The following BPTF variants were observed in gnomAD, a reference collection of about 807,000 sequenced individuals.
BPTF encodes the protein bromodomain PHD finger transcription factor, also known as nucleosome-remodeling factor subunit BPTF.
A neutral mutation model predicts 292.5 loss-of-function variants in BPTF; 18 were observed. The ratio of observed to expected loss-of-function variants is 0.06; its 90% CI spans 0.04 to 0.09. The LOEUF (loss-of-function observed/expected upper bound fraction) is 0.09. Among genes scored for constraint, BPTF ranks in the 10% least tolerant of loss-of-function variants. BPTF has a pLI of 1.00. For synonymous variants in BPTF, 1,225 were observed against 1,251.9 expected (o/e 0.98, Z 0.45); for missense variants, 2,726 against 3,498.7 (o/e 0.78, Z 5.57).
chr17:67,919,750 T>C (rs531745230), intron 12 of BPTF, among the ~76,000 whole-genome samples: 1 of 152,292 alleles, frequency 6.6e-6, no homozygotes, highest in Non-Finnish European at 1.5e-5. Context: ...CCTAGGCTTT[T>C]TATTATTTTG....
rs531617041 is a variant in BPTF, at chr17:67,858,635, GC to G, written c.1436+3876del. Reference sequence around the variant, plus strand: ...ATTCAGTGATGCTGCCTGTCAGGGAGCCCGGTGCTTGTACTCTGTATAGACA... The same window carrying G: ...ATTCAGTGATGCTGCCTGTCAGGGAGCCGGTGCTTGTACTCTGTATAGACA... On this transcript the variant is annotated intron_variant, in intron 2 of 27. Transcript: ENST00000306378. 2.1e-4 allele frequency among the ~76,000 whole-genome samples: 32 copies of G among 151,956 alleles called. No individual in the cohort carries two copies. In the South Asian group the frequency reaches 6.4e-3, roughly 31 times the overall value.
intron 1 of BPTF, among the ~76,000 whole-genome samples, chr17:67,839,161 ATTGTGTACCACCTCC>A (rs1567870197): frequency 4.3e-4 from 66 of 152,044 alleles, no homozygotes; most frequent in African/African-American, 1.5e-3. Flanking sequence ...AACAAATTGC[ATTGTGTACCACCTCC>A]AAAGCAATGT....
At chr17:67,910,455 TA>T (rs202089667) in intron 10 of BPTF, among the ~76,000 whole-genome samples, 12 of 151,550 alleles carry the variant, frequency 7.9e-5, no homozygotes, top group African/African-American at 2.4e-4. Context: ...AAGTCATTTT[TA>T]AAAAAAAACT....
intron 7 of BPTF, among the ~76,000 whole-genome samples, chr17:67,901,062 C>A: frequency 6.6e-6 from 1 of 150,900 alleles, no homozygotes; most frequent in African/African-American, 2.4e-5. Context: ...TAAGAATAGC[C>A]AAAAGGGGAA....
chr17:67,932,441 T>C (rs1034166767), intron 18 of BPTF, among the ~76,000 whole-genome samples: 26 of 152,240 alleles, frequency 1.7e-4, no homozygotes, highest in Admixed American at 1.7e-3. Flanking sequence ...GACTCTCCCC[T>C]GTAATCCCAC....
intron 9 of BPTF, among the ~76,000 whole-genome samples, chr17:67,909,268 T>TA (rs1568035294): frequency 1.3e-5 from 1 of 78,868 alleles, no homozygotes; most frequent in East Asian, 3.7e-4. Context: ...CCGCACCAGG[T>TA]CCCCCCCCCC....
chr17:67,885,162 A>C (rs1035273306), intron 4 of BPTF, among the ~76,000 whole-genome samples: 2 of 152,226 alleles, frequency 1.3e-5, no homozygotes, highest in African/African-American at 2.4e-5. Context: ...GGCAAAAACA[A>C]AGGCAGAGGG....
At position 67,973,874 on chromosome 17, in the gene BPTF, T is replaced by C. The variant is rs188816165; in HGVS notation, c.8540-1898T>C. The stretch of plus-strand genomic sequence containing the variant: ...ACACCCTTAATATATGTGAAATTCT[T>C]ATACTAGATACAGTTAAATCTGTTC... On this transcript the variant is annotated intron_variant, in intron 26 of 27. Coordinates refer to ENST00000306378, the MANE Select transcript of BPTF (RefSeq NM_182641.4). The C allele has an allele frequency of 3.3e-5, 5 of 152,116 alleles. No homozygotes were observed. In the East Asian group the frequency reaches 7.7e-4, roughly 23 times the overall value. 9.4% of individuals were successfully genotyped at this position (152,116 alleles called of 1,614,324 possible). A position where few individuals can be genotyped will look rare whatever the true frequency, so the allele number is the denominator to read the frequency against.
intron 4 of BPTF, among the ~76,000 whole-genome samples, chr17:67,882,415 T>C (rs2060481275): frequency 6.6e-6 from 1 of 152,190 alleles, no homozygotes; most frequent in Non-Finnish European, 1.5e-5. Context: ...ATAGCATACT[T>C]AGTTTCTTTG....
At chr17:67,944,008 T>G (rs1555673140) in intron 19 of BPTF, 142 bp from the exon 20 acceptor site, 1 of 696,906 alleles carries the variant, frequency 1.4e-6, no homozygotes, top group African/African-American at 1.8e-5. Context: ...TACTTTAGCT[T>G]ATCTAAATTC....
chr17:67,897,771 T>A (rs938083384), intron 7 of BPTF, among the ~76,000 whole-genome samples: 1 of 152,236 alleles, frequency 6.6e-6, no homozygotes, highest in Non-Finnish European at 1.5e-5. Context: ...AACCAGATAG[T>A]TCTATTTAAA....
rs546334139 is a variant in BPTF, at chr17:67,846,301, G to A, written c.614-7639G>A. 4.6e-5 allele frequency among the ~76,000 whole-genome samples: 7 copies of A among 152,334 alleles called. No homozygotes were observed. In the South Asian group the frequency reaches 1.4e-3, roughly 32 times the overall value. Reference sequence around the variant, plus strand: ...GCCCAGCAGTTTTAGAGCAGCCTGGGCAGCATAGAGGATACTGAATGTATT... The same window carrying A: ...GCCCAGCAGTTTTAGAGCAGCCTGGACAGCATAGAGGATACTGAATGTATT... On this transcript the variant is annotated intron_variant, in intron 1 of 27. Coordinates refer to ENST00000306378, the MANE Select transcript of BPTF (RefSeq NM_182641.4).
chr17:67,845,876 C>T (rs1287308970), intron 1 of BPTF, among the ~76,000 whole-genome samples: 2 of 151,028 alleles, frequency 1.3e-5, no homozygotes, highest in Non-Finnish European at 3.0e-5. Context: ...AGTTTTTGAG[C>T]CCACATTTTA....
At chr17:67,979,901 G>T (rs1212947089) in intron 27 of BPTF, among the ~76,000 whole-genome samples, 4 of 151,834 alleles carry the variant, frequency 2.6e-5, no homozygotes, top group African/African-American at 9.7e-5. Flanking sequence ...TTAGCTAGGT[G>T]TGGTGGTGCA....
In BPTF at chr17:67,912,498, C is replaced by T; in HGVS notation, c.4614C>T (p.Thr1538=). The T allele has an allele frequency of 6.2e-7, 1 of 1,613,888 alleles. No individual in the cohort carries two copies. The highest frequency in any genetic ancestry group is 8.5e-7 in the Non-Finnish European group (1 of 1,179,916). The change falls in exon 11 of 28, where the codon ACC becomes ACT. Residue 1538 remains threonine, a synonymous_variant. Coordinates refer to ENST00000306378, the MANE Select transcript of BPTF (RefSeq NM_182641.4). ...AGGTAGAAGATATGGAAATAGAAAC[C>T]TCAGAAGTTAAGAAAGTTACTTCAT... ...VNQVEDMEIE[T]SEVKKVTSSP... is the part of the protein sequence containing the mutation.
At chr17:67,888,340 G>C (rs1050858600) in intron 4 of BPTF, among the ~76,000 whole-genome samples, 1 of 152,022 alleles carries the variant, frequency 6.6e-6, no homozygotes, top group Non-Finnish European at 1.5e-5. Context: ...TGTAATCCCA[G>C]CACTTTGGGA....
At chr17:67,900,877 T>G (rs931811025) in intron 7 of BPTF, among the ~76,000 whole-genome samples, 2 of 151,630 alleles carry the variant, frequency 1.3e-5, no homozygotes. Context: ...GGCATGGTCT[T>G]GCTTGCCTGT....
chr17:67,890,232 C>T (rs1598450761), intron 4 of BPTF, among the ~76,000 whole-genome samples: 1 of 152,266 alleles, frequency 6.6e-6, no homozygotes, highest in East Asian at 1.9e-4. Context: ...TTGACATACA[C>T]TATTGAGAAG....
At chr17:67,923,255 G>C (rs2063584483) in intron 14 of BPTF, among the ~76,000 whole-genome samples, 1 of 151,608 alleles carries the variant, frequency 6.6e-6, no homozygotes, top group Admixed American at 6.6e-5. Context: ...ATGGGGTTTT[G>C]CTATGTTGTT....
Sources: allele counts gnomAD v4.1 joint callset (sites outside exome capture counted in the v4.1 genomes callset), GRCh38; gene constraint gnomAD v4.1.1; transcripts MANE v1.5; gene names NCBI Gene and HGNC (gene_info 2026-07-23, HGNC 2026-07-21).